ANO5: variants seen among roughly 807,000 people sequenced by gnomAD.
ANO5 encodes anoctamin-5.
In ANO5, 109 loss-of-function variants were observed where a neutral mutation model predicts 121.0. The observed-to-expected ratio is 0.90, with a 90% CI of 0.77 to 1.06. The LOEUF (loss-of-function observed/expected upper bound fraction) is 1.06. ANO5 is among the 50% of genes least tolerant of loss of function. ANO5 has a pLI of 0.00. For synonymous variants in ANO5, 406 were observed against 359.9 expected (o/e 1.13, Z -1.45); for missense variants, 1,064 against 1,078.5 (o/e 0.99, Z 0.19).
chr11:22,204,103 T>C (rs1852043296), intron 2 of ANO5, among the ~76,000 whole-genome samples: 1 of 152,134 alleles, frequency 6.6e-6, no homozygotes, highest in South Asian at 2.1e-4. Context: ...TCAGATATGC[T>C]GATCATTGAT....
upstream of ANO5, among the ~76,000 whole-genome samples, chr11:22,192,740 C>G (rs1202334507): frequency 6.6e-6 from 1 of 152,156 alleles, no homozygotes; most frequent in African/African-American, 2.4e-5. Context: ...AGCGGCAGCC[C>G]TGGGGAACCA....
chr11:22,258,164 T>C (rs1437526045), intron 14 of ANO5, among the ~76,000 whole-genome samples: 8 of 152,154 alleles, frequency 5.3e-5, no homozygotes, highest in Non-Finnish European at 7.4e-5. Context: ...ACACTTAGCA[T>C]CTAATTTTAG....
intron 9 of ANO5, among the ~76,000 whole-genome samples, chr11:22,242,025 TA>T (rs1218967116): frequency 6.6e-6 from 1 of 152,116 alleles, no homozygotes; most frequent in Non-Finnish European, 1.5e-5. Context: ...TTTGAGGTCT[TA>T]CATTTAAAAC....
intron 17 of ANO5, among the ~76,000 whole-genome samples, chr11:22,266,883 C>A (rs1410599774): frequency 3.9e-5 from 6 of 152,170 alleles, no homozygotes; most frequent in Non-Finnish European, 8.8e-5. Flanking sequence ...CATCCCTCTC[C>A]AGTTGGGACA....
intron 1 of ANO5, among the ~76,000 whole-genome samples, chr11:22,203,174 A>T (rs1302028616): frequency 1.3e-5 from 2 of 152,186 alleles, no homozygotes; most frequent in African/African-American, 2.4e-5. Context: ...CTCCAAAAAA[A>T]ATATATAGGA....
intron 14 of ANO5, among the ~76,000 whole-genome samples, chr11:22,258,925 A>G (rs1854093329): frequency 6.6e-6 from 1 of 152,154 alleles, no homozygotes; most frequent in Admixed American, 6.5e-5. Flanking sequence ...CGAGGTCAGG[A>G]GATCGAGACT....
intron 18 of ANO5, among the ~76,000 whole-genome samples, chr11:22,271,400 T>C (rs1443329622): frequency 6.6e-6 from 1 of 152,190 alleles, no homozygotes; most frequent in Non-Finnish European, 1.5e-5. Flanking sequence ...GTAGGATACA[T>C]GAGATGAGCC....
chr11:22,214,160 T>C (rs561482654), intron 3 of ANO5, among the ~76,000 whole-genome samples: 25 of 152,102 alleles, frequency 1.6e-4, no homozygotes, highest in African/African-American at 5.1e-4. Context: ...CCTTCTCAGC[T>C]TCCTGAGTGG....
intron 3 of ANO5, among the ~76,000 whole-genome samples, chr11:22,215,446 A>G (rs990929723): frequency 6.6e-6 from 1 of 151,928 alleles, no homozygotes; most frequent in African/African-American, 2.4e-5. Context: ...TTGATATGCC[A>G]TCTCAATTCT....
Position 22,272,801 on chromosome 11 carries a change from G to T in ANO5, c.2047G>T (p.Val683Phe), listed in dbSNP as rs770725167. 5 of 1,613,970 alleles carry T rather than the reference G, an allele frequency of 3.1e-6. No homozygotes were observed. In the Admixed American group the frequency reaches 8.3e-5, roughly 27 times the overall value. Reference protein sequence around the residue: ...YLETVTQFGFVTLFVASFPLA... With the variant: ...YLETVTQFGFFTLFVASFPLA... ...CTCTACAGTTACTCAATTTGGATTT[G>T]TTACACTATTTGTGGCCTCTTTTCC... Residue 683 changes from valine to phenylalanine, a missense_variant, in exon 19 of 22, where the codon GTT (valine) becomes TTT (phenylalanine). Val to Phe is a conservative substitution (Grantham distance 50, BLOSUM62 -1). Coordinates refer to ENST00000324559, the MANE Select transcript of ANO5 (RefSeq NM_213599.3).
At position 22,237,576 on chromosome 11, in the gene ANO5, A is replaced by C. The variant is rs890782557; in HGVS notation, c.762+1300A>C. On this transcript the variant is annotated intron_variant, in intron 8 of 21. Coordinates refer to ENST00000324559, the MANE Select transcript of ANO5 (RefSeq NM_213599.3). ...TGGCTAATTTTTGTATTTTTAGTAG[A>C]GACGGGGTTTTGCTATGTTGGCCAG... Among the ~76,000 whole-genome samples, 3 of 151,972 alleles carry C rather than the reference A, an allele frequency of 2.0e-5. No individual in the cohort carries two copies. The East Asian group carries it at 5.8e-4, about 29-fold the overall frequency.
At position 22,227,499 on chromosome 11, in the gene ANO5, T is replaced by A. The variant is rs754808979; in HGVS notation, c.561T>A (p.Phe187Leu). 5.0e-6 allele frequency: 8 copies of A among 1,613,614 alleles called. No homozygotes were observed. The East Asian group carries it at 1.1e-4, about 22-fold the overall frequency. The part of the protein sequence containing the change: ...LSVKYPHPEY[F>L]TAQFSRHRQE... ...TGAAGTATCCCCATCCTGAATATTT[T>A]ACTGCACAATTCAGCAGACATCGGC... Residue 187 changes from phenylalanine (F) to leucine (L), a missense_variant, in exon 7 of 22, where the codon TTT becomes TTA. Physicochemically the swap from Phe to Leu is conservative, Grantham distance 22. Transcript: ENST00000324559.
chr11:22,269,478 AGAAAG>A (rs386751478), intron 17 of ANO5, among the ~76,000 whole-genome samples: 1 of 36,622 alleles, frequency 2.7e-5, no homozygotes, highest in East Asian at 3.1e-4. Flanking sequence ...AAAAAAGAAA[AGAAAG>A]GAAAGAAAAA....
chr11:22,277,583 CTT>C (rs1854912317), intron 21 of ANO5, among the ~76,000 whole-genome samples: 2 of 151,422 alleles, frequency 1.3e-5, no homozygotes, highest in Non-Finnish European at 3.0e-5. Context: ...TGTTTCCTGT[CTT>C]ATATTCTGAA....
intron 2 of ANO5, 92 bp from the exon 3 acceptor site, chr11:22,211,172 G>T: frequency 7.6e-7 from 1 of 1,323,670 alleles, no homozygotes; most frequent in Non-Finnish European, 1.1e-6. Context: ...TTTCTGCATA[G>T]AGATTACAGA....
intron 3 of ANO5, among the ~76,000 whole-genome samples, chr11:22,211,874 G>A (rs1011948765): frequency 6.6e-6 from 1 of 151,914 alleles, no homozygotes; most frequent in South Asian, 2.1e-4. Context: ...GATAATTTTA[G>A]CAAGGATGAT....
At chr11:22,227,902 GT>G (rs1189433313) in intron 7 of ANO5, among the ~76,000 whole-genome samples, 1 of 152,068 alleles carries the variant, frequency 6.6e-6, no homozygotes, top group Non-Finnish European at 1.5e-5. Context: ...TTGTAAAATG[GT>G]TTTACAAACT....
In ANO5 at chr11:22,250,246, T is replaced by C. The variant is rs1370407072; in HGVS notation, c.888T>C (p.Tyr296=). 6.3e-7 allele frequency: 1 copy of C among 1,584,070 alleles called. No individual in the cohort carries two copies. Among genetic ancestry groups the C allele is most frequent in the Non-Finnish European group, 8.7e-7 (1 of 1,154,746 alleles). The part of the protein sequence containing the change: ...EQPLDLIKNY[Y]GEKIGIYFVF... ...TTACTCTTTTTCACAGGAATTATTATGGAGAAAAAATTGGTATCTATTTTG... is the reference window on the plus strand; with the variant it reads ...TTACTCTTTTTCACAGGAATTATTACGGAGAAAAAATTGGTATCTATTTTG... The change falls in exon 10 of 22, where the codon TAT becomes TAC. Residue 296 remains tyrosine (Y), a synonymous_variant. Coordinates refer to ENST00000324559, the MANE Select transcript of ANO5 (RefSeq NM_213599.3).
At chr11:22,269,198 G>A (rs1184561202) in intron 17 of ANO5, among the ~76,000 whole-genome samples, 1 of 135,792 alleles carries the variant, frequency 7.4e-6, no homozygotes, top group African/African-American at 3.0e-5. Context: ...GGGAAGGGAA[G>A]GGAAGAGAAG....
Sources: gnomAD v4.1 joint callset for allele counts (sites outside exome capture counted in the v4.1 genomes callset) on GRCh38, gnomAD v4.1.1 for gene constraint, MANE v1.5 for transcripts, NCBI Gene and HGNC (gene_info 2026-07-23, HGNC 2026-07-21) for gene names.